MGAT4C: variants seen among roughly 807,000 people sequenced by gnomAD.
MGAT4C encodes the protein alpha-1,3-mannosyl-glycoprotein 4-beta-N-acetylglucosaminyltransferase C.
A neutral mutation model predicts 40.1 loss-of-function variants in MGAT4C; 19 were observed. That is an observed-to-expected ratio of 0.47 (90% CI 0.33 to 0.70). The LOEUF (loss-of-function observed/expected upper bound fraction) is 0.70. MGAT4C is among the 30% of genes least tolerant of loss of function. MGAT4C has a pLI of 0.02. For missense variants in MGAT4C, 491 were observed against 563.2 expected (o/e 0.87, Z 1.30); for synonymous variants, 181 against 187.1 (o/e 0.97, Z 0.27).
intron 2 of MGAT4C, among the ~76,000 whole-genome samples, chr12:86,534,689 T>C (rs1049957782): frequency 6.6e-6 from 1 of 152,180 alleles, no homozygotes; most frequent in Non-Finnish European, 1.5e-5. Flanking sequence ...CTATGTCTTT[T>C]GACTTCAAAT....
rs548522666 is a variant in MGAT4C, at chr12:86,055,937, A to T, written c.-56-6214T>A. Among the ~76,000 whole-genome samples, 4 of 152,194 alleles carry T rather than the reference A, an allele frequency of 2.6e-5. No individual in the cohort carries two copies. The East Asian group carries it at 5.8e-4, about 22-fold the overall frequency. On this transcript the variant is annotated intron_variant, in intron 1 of 4. Coordinates refer to ENST00000611864, the MANE Select transcript of MGAT4C (RefSeq NM_001351288.2). The stretch of plus-strand genomic sequence containing the variant: ...ATCAGCTTCCAGGCTATGCAATCAC[A>T]AGTGGAGCATATATTCATTTTCAGA...
chr12:86,801,931 C>T (rs1593220531), intron 1 of MGAT4C, among the ~76,000 whole-genome samples: 1 of 151,682 alleles, frequency 6.6e-6, no homozygotes, highest in South Asian at 2.1e-4. Context: ...TTTTTTTAAA[C>T]CTTATGTAAA....
intron 2 of MGAT4C, among the ~76,000 whole-genome samples, chr12:86,613,785 A>G (rs1234636586): frequency 6.6e-6 from 1 of 152,200 alleles, no homozygotes; most frequent in Non-Finnish European, 1.5e-5. Context: ...CATAAATGTC[A>G]AATGGAACAC....
At chr12:86,263,092 A>T (rs557971601) in intron 4 of MGAT4C, among the ~76,000 whole-genome samples, 4 of 152,220 alleles carry the variant, frequency 2.6e-5, no homozygotes, top group African/African-American at 9.6e-5. Context: ...TTCAAATGTA[A>T]TTATGGGGTT....
At chr12:86,500,988 T>C (rs997332642) in intron 2 of MGAT4C, among the ~76,000 whole-genome samples, 2 of 152,048 alleles carry the variant, frequency 1.3e-5, no homozygotes, top group East Asian at 3.9e-4. Context: ...ACATAAGAAG[T>C]CTTTTGATAA....
At chr12:86,756,672 G>A (rs1951309690) in intron 1 of MGAT4C, among the ~76,000 whole-genome samples, 1 of 152,044 alleles carries the variant, frequency 6.6e-6, no homozygotes, top group Non-Finnish European at 1.5e-5. Context: ...ACAGATACAA[G>A]AACTATTTCT....
At chr12:85,997,564 A>G (rs1304653535) in intron 2 of MGAT4C, among the ~76,000 whole-genome samples, 2 of 152,214 alleles carry the variant, frequency 1.3e-5, no homozygotes, top group African/African-American at 4.8e-5. Context: ...AGGTACAGGC[A>G]TTGGGTAAAT....
chr12:86,037,137 C>G (rs1457206164), intron 2 of MGAT4C, among the ~76,000 whole-genome samples: 1 of 149,920 alleles, frequency 6.7e-6, no homozygotes, highest in African/African-American at 2.4e-5. Flanking sequence ...GTGGTGATAT[C>G]CCCTCGATCA....
chr12:86,569,436 C>G (rs946489568), intron 2 of MGAT4C, among the ~76,000 whole-genome samples: 33 of 152,070 alleles, frequency 2.2e-4, no homozygotes, highest in African/African-American at 7.7e-4. Flanking sequence ...TTTGACATCA[C>G]TTATCATCAG....
At chr12:86,696,793 T>C (rs780955605) in intron 2 of MGAT4C, among the ~76,000 whole-genome samples, 11 of 151,354 alleles carry the variant, frequency 7.3e-5, no homozygotes, top group Non-Finnish European at 1.0e-4. Flanking sequence ...TTCTCATGAG[T>C]TTTTTTTTAA....
chr12:86,382,121 G>A (rs1955944880), intron 3 of MGAT4C, among the ~76,000 whole-genome samples: 1 of 152,248 alleles, frequency 6.6e-6, no homozygotes, highest in Admixed American at 6.5e-5. Context: ...ACAAGAAAAT[G>A]TGGGAACATT....
chr12:86,116,834 C>T (rs1294125065), intron 1 of MGAT4C, among the ~76,000 whole-genome samples: 4 of 152,070 alleles, frequency 2.6e-5, no homozygotes, highest in Non-Finnish European at 5.9e-5. Context: ...GACATCAATA[C>T]TTTAGGGACC....
intron 3 of MGAT4C, among the ~76,000 whole-genome samples, chr12:86,418,630 G>A (rs1490801409): frequency 7.0e-6 from 1 of 142,246 alleles, no homozygotes; most frequent in Non-Finnish European, 1.6e-5. Flanking sequence ...ATAAATAAAT[G>A]TAATGAATAA....
intron 1 of MGAT4C, among the ~76,000 whole-genome samples, chr12:86,201,107 G>A (rs1369490786): frequency 6.6e-6 from 1 of 152,186 alleles, no homozygotes; most frequent in East Asian, 1.9e-4. Context: ...GACTAATACA[G>A]ATTTTTAGCA....
At chr12:86,762,150 T>C (rs1303679063) in intron 1 of MGAT4C, among the ~76,000 whole-genome samples, 1 of 151,790 alleles carries the variant, frequency 6.6e-6, no homozygotes, top group Non-Finnish European at 1.5e-5. Context: ...CCCCTGGACT[T>C]AAGCATTCCT....
At chr12:86,649,515 AC>A (rs1456473197) in intron 2 of MGAT4C, among the ~76,000 whole-genome samples, 1 of 151,806 alleles carries the variant, frequency 6.6e-6, no homozygotes, top group African/African-American at 2.4e-5. Flanking sequence ...ACACAGATAT[AC>A]GTTCTTTATG....
At chr12:86,508,249 C>A (rs1195431995) in intron 2 of MGAT4C, among the ~76,000 whole-genome samples, 1 of 152,038 alleles carries the variant, frequency 6.6e-6, no homozygotes, top group African/African-American at 2.4e-5. Context: ...TGACGTTCCC[C>A]TTCCTGTGTC....
intron 1 of MGAT4C, among the ~76,000 whole-genome samples, chr12:86,737,014 TAAAAA>T (rs11341650): frequency 7.7e-6 from 1 of 129,770 alleles, no homozygotes; most frequent in Admixed American, 8.1e-5. Flanking sequence ...TGCAATTCTA[TAAAAA>T]AAAAAAAAAA....
At chr12:86,588,762 T>A (rs1247033684) in intron 2 of MGAT4C, among the ~76,000 whole-genome samples, 1 of 151,664 alleles carries the variant, frequency 6.6e-6, no homozygotes, top group African/African-American at 2.4e-5. Flanking sequence ...TCAAAACCGC[T>A]CAACTACATG....
Sources: allele counts gnomAD v4.1 joint callset (sites outside exome capture counted in the v4.1 genomes callset), GRCh38; gene constraint gnomAD v4.1.1; transcripts MANE v1.5; gene names NCBI Gene and HGNC (gene_info 2026-07-23, HGNC 2026-07-21).